The following KBTBD6 variants were observed in gnomAD, a reference collection of about 807,000 sequenced individuals.
KBTBD6 encodes kelch repeat and BTB domain containing 6.
In KBTBD6, 6 loss-of-function variants were observed where a neutral mutation model predicts 34.4. The observed-to-expected ratio is 0.17, with a 90% CI of 0.10 to 0.34. The LOEUF (loss-of-function observed/expected upper bound fraction) is 0.34, where lower values mean the gene tolerates loss of function less well. Ranked by LOEUF, KBTBD6 falls within the 10% of genes least tolerant of loss-of-function variation. KBTBD6 has a pLI of 1.00. For synonymous variants in KBTBD6, 288 were observed against 327.2 expected, an observed-to-expected ratio of 0.88 and a Z score of 1.29; for missense variants, 557 against 856.0, an observed-to-expected ratio of 0.65 and a Z score of 4.36.
Position 41,132,708 on chromosome 13 carries a change from T to A in KBTBD6, c.-197A>T. 1.5e-6 allele frequency: 1 copy of A among 662,250 alleles called. No individual in the cohort carries two copies. Among genetic ancestry groups the A allele is most frequent in the Non-Finnish European group, 2.6e-6 (1 of 387,910 alleles). The allele number at this position is 662,250 out of a possible 1,614,324, so 41.0% of individuals were successfully genotyped here. On this transcript the variant is annotated 5_prime_UTR_variant, in exon 1 of 1. Transcript: ENST00000379485. ...TAGACAGTGGCTGACTCACCCTCTC[T>A]CACTCCCGCGTCCTTTCTCCGCGTC... is the stretch of plus-strand genomic sequence containing the variant.
Position 41,131,025 on chromosome 13 carries a change from C to A in KBTBD6, c.1487G>T (p.Cys496Phe). 6.2e-7 allele frequency: 1 copy of A among 1,614,122 alleles called. No homozygotes were observed. The highest frequency in any genetic ancestry group is 8.5e-7 in the Non-Finnish European group (1 of 1,180,004). ...CCACATATTGTGGCTAGGATCATAA[C>A]AGAACATGCGCTTACTGTTGAGAGC... is the stretch of plus-strand genomic sequence containing the variant. ...LYALNSKRMF[C>F]YDPSHNMWLK... Residue 496 changes from cysteine to phenylalanine, a missense_variant, in exon 1 of 1, where the codon TGT becomes TTT. Cys to Phe is a radical substitution (Grantham distance 205). Around this residue, in one of 4 missense-constraint regions of KBTBD6, gnomAD observed 309 missense variants for 504.5 expected, o/e 0.61. Transcript: ENST00000379485. The surrounding 1 kb of genome is among the most constrained non-coding windows in gnomAD (Gnocchi z 5.8).
At position 41,131,064 on chromosome 13, in the gene KBTBD6, C is replaced by T. The variant is rs1566228315; in HGVS notation, c.1448G>A (p.Arg483Gln). The change falls in exon 1 of 1, where the codon CGA becomes CAA. Residue 483 changes from arginine (R) to glutamine (Q), a missense_variant. Transcript: ENST00000379485. The surrounding 1 kb of genome is among the most constrained non-coding windows in gnomAD (Gnocchi z 5.8). ...ACTGTTGAGAGCATAGAGATAGTCT[C>T]GAATTACCATTAGGTCAAAGGATAA... ...SFLSFDLMVI[R>Q]DYLYALNSKR... 4 of 1,614,146 alleles carry T rather than the reference C, an allele frequency of 2.5e-6. No homozygotes were observed. The highest frequency in any genetic ancestry group is 3.4e-6 in the Non-Finnish European group (4 of 1,180,014).
At position 41,129,826 on chromosome 13, in the gene KBTBD6, C is replaced by A. The variant is rs1952591; in HGVS notation, c.*661G>T. ...GGGATTACAGGCGCATGCCACCACG[C>A]CCAGCTAATTTTTGTATTTTTAGTA... On this transcript the variant is annotated 3_prime_UTR_variant, in exon 1 of 1. Coordinates refer to ENST00000379485, the MANE Select transcript of KBTBD6 (RefSeq NM_152903.5). The A allele has an allele frequency of 0.16, 23,579 of 151,850 alleles. 3,492 individuals are homozygous for A. The highest frequency in any genetic ancestry group is 0.38 in the East Asian group (1,967 of 5,146). 9.4% of individuals were successfully genotyped at this position (151,850 alleles called of 1,614,324 possible).
Position 41,130,647 on chromosome 13 carries a change from C to A in KBTBD6, c.1865G>T (p.Cys622Phe). 6.2e-7 allele frequency: 1 copy of A among 1,614,136 alleles called. No individual in the cohort carries two copies. The highest frequency in any genetic ancestry group is 1.3e-5 in the African/African-American group (1 of 75,030). The change falls in exon 1 of 1, where the codon TGC (cysteine) becomes TTC (phenylalanine). Residue 622 changes from cysteine (C) to phenylalanine (F), a missense_variant. Cys to Phe is a radical substitution (Grantham distance 205). Around this residue, in one of 4 missense-constraint regions of KBTBD6, gnomAD observed 309 missense variants for 504.5 expected, o/e 0.61. Coordinates refer to ENST00000379485, the MANE Select transcript of KBTBD6 (RefSeq NM_152903.5). The surrounding 1 kb of genome is among the most constrained non-coding windows in gnomAD (Gnocchi z 4.8). The part of the protein sequence containing the change: ...FCLSARVYPS[C>F]LEPGQSFLTE... ...GAGGAAACTCTGACCAGGTTCAAGGCAGGAAGGATAAACACGAGCAGAGAG... is the reference window on the plus strand; with the variant it reads ...GAGGAAACTCTGACCAGGTTCAAGGAAGGAAGGATAAACACGAGCAGAGAG...
rs747199000 is a variant in KBTBD6, at chr13:41,128,389, T to G, written c.*2098A>C. The G allele has an allele frequency of 2.6e-6, 1 of 385,232 alleles. No individual in the cohort carries two copies. The highest frequency in any genetic ancestry group is 3.6e-5 in the East Asian group (1 of 27,514). The allele number at this position is 385,232 out of a possible 1,614,324, so 23.9% of individuals were successfully genotyped here. On this transcript the variant is annotated 3_prime_UTR_variant, in exon 1 of 1. Transcript: ENST00000379485. The stretch of plus-strand genomic sequence containing the variant: ...TATTAAATCTTCAAGAGGTAAGTAC[T>G]TCTGTTTTAGTGTGTTTAACAATGT...
Position 41,131,390 on chromosome 13 carries a change from G to A in KBTBD6, c.1122C>T (p.Thr374=). ...TGACAGTCCTAGTGTGAGCCAGACAGGTCAAAGGTGACGGCACTTTGTAAA... is the reference window on the plus strand; with the variant it reads ...TGACAGTCCTAGTGTGAGCCAGACAAGTCAAAGGTGACGGCACTTTGTAAA... ...GDLYKVPSPL[T]CLAHTRTVTT... The change falls in exon 1 of 1, where the codon ACC becomes ACT. Residue 374 remains threonine, a synonymous_variant. Coordinates refer to ENST00000379485, the MANE Select transcript of KBTBD6 (RefSeq NM_152903.5). This position sits in a 1 kb window ranked among gnomAD's most constrained non-coding sequence, Gnocchi z 5.8. 1 of 1,614,112 alleles carries A rather than the reference G, an allele frequency of 6.2e-7. No individual in the cohort carries two copies. The highest frequency in any genetic ancestry group is 8.5e-7 in the Non-Finnish European group (1 of 1,179,980).
At position 41,132,527 on chromosome 13, in the gene KBTBD6, G is replaced by A. The variant is rs781196474; in HGVS notation, c.-16C>T. 5.2e-5 allele frequency: 83 copies of A among 1,605,770 alleles called. No individual in the cohort carries two copies. Among genetic ancestry groups the A allele is most frequent in the Middle Eastern group, 1.7e-4 (1 of 5,996 alleles). On this transcript the variant is annotated 5_prime_UTR_variant, in exon 1 of 1. Coordinates refer to ENST00000379485, the MANE Select transcript of KBTBD6 (RefSeq NM_152903.5). ...GGGACTGCATGGTGGAGATGGCGAC[G>A]GGCGCTGATGGCGAGAAACGCTGCA...
chr13:41,131,207 G>A lies in KBTBD6; in HGVS notation c.1305C>T (p.Gly435=), dbSNP rs761032000. Residue 435 remains glycine (G), a synonymous_variant, in exon 1 of 1, where the codon GGC becomes GGT. Coordinates refer to ENST00000379485, the MANE Select transcript of KBTBD6 (RefSeq NM_152903.5). The surrounding 1 kb of genome is among the most constrained non-coding windows in gnomAD (Gnocchi z 5.8). ...CTCGCCCCCCCAAAATGTAGATATA[G>A]CCATTGAGATATGCCACATCCATGC... ...REGMDVAYLN[G]YIYILGGRDP... 6.2e-7 allele frequency: 1 copy of A among 1,614,148 alleles called. No individual in the cohort carries two copies. The highest frequency in any genetic ancestry group is 8.5e-7 in the Non-Finnish European group (1 of 1,180,032).
Position 41,132,239 on chromosome 13 carries a change from C to T in KBTBD6, c.273G>A (p.Ala91=), listed in dbSNP as rs1286747295. Residue 91 remains alanine, a synonymous_variant, in exon 1 of 1, where the codon GCG becomes GCA. Coordinates refer to ENST00000379485, the MANE Select transcript of KBTBD6 (RefSeq NM_152903.5). Reference sequence around the variant, plus strand: ...ACATGCTCTTGAAGTAGGGACATGCCGCGGCCAGCACATTGCGGTTGCAGG... The same window carrying T: ...ACATGCTCTTGAAGTAGGGACATGCTGCGGCCAGCACATTGCGGTTGCAGG... The part of the protein sequence containing the change: ...LFPCNRNVLA[A]ACPYFKSMFT... 5 of 1,614,102 alleles carry T rather than the reference C, an allele frequency of 3.1e-6. No individual in the cohort carries two copies. The Admixed American group carries it at 8.3e-5, about 27-fold the overall frequency.
In KBTBD6 at chr13:41,131,922, G is replaced by C. The variant is rs377000610; in HGVS notation, c.590C>G (p.Ala197Gly). 4 of 1,614,274 alleles carry C rather than the reference G, an allele frequency of 2.5e-6. No individual in the cohort carries two copies. The African/African-American group carries it at 4.0e-5, about 16-fold the overall frequency. Reference sequence around the variant, plus strand: ...GTGGCTGAGTTGCTTGAAGTTCTGAGCTATATAGGACTGGGCCTGGGATCG... The same window carrying C: ...GTGGCTGAGTTGCTTGAAGTTCTGACCTATATAGGACTGGGCCTGGGATCG... ...KLRSQAQSYIAQNFKQLSHMG... is the reference protein window; with the variant it reads ...KLRSQAQSYIGQNFKQLSHMG... Residue 197 changes from alanine (A) to glycine (G), a missense_variant, in exon 1 of 1, where the codon GCT (alanine) becomes GGT (glycine). Ala to Gly is a moderately conservative substitution (Grantham distance 60, BLOSUM62 0). Coordinates refer to ENST00000379485, the MANE Select transcript of KBTBD6 (RefSeq NM_152903.5). The surrounding 1 kb of genome is among the most constrained non-coding windows in gnomAD (Gnocchi z 5.8).
chr13:41,131,987 G>A lies in KBTBD6; in HGVS notation c.525C>T (p.Ala175=). The change falls in exon 1 of 1, where the codon GCC becomes GCT. Residue 175 remains alanine (A), a synonymous_variant. Transcript: ENST00000379485. This position sits in a 1 kb window ranked among gnomAD's most constrained non-coding sequence, Gnocchi z 5.8. The part of the protein sequence containing the change: ...ARRLDLTNCT[A]ILKFADAFGH... The stretch of plus-strand genomic sequence containing the variant: ...CAAAGGCATCTGCAAACTTGAGGAT[G>A]GCGGTGCAGTTGGTCAGGTCAAGAC... 2 of 1,614,274 alleles carry A rather than the reference G, an allele frequency of 1.2e-6. No individual in the cohort carries two copies. The highest frequency in any genetic ancestry group is 2.2e-5 in the East Asian group (1 of 44,884).
chr13:41,130,472 T>C lies in KBTBD6; in HGVS notation c.*15A>G. 1.3e-6 allele frequency: 2 copies of C among 1,578,404 alleles called. No homozygotes were observed. The highest frequency in any genetic ancestry group is 8.7e-7 in the Non-Finnish European group (1 of 1,154,484). On this transcript the variant is annotated 3_prime_UTR_variant, in exon 1 of 1. Coordinates refer to ENST00000379485, the MANE Select transcript of KBTBD6 (RefSeq NM_152903.5). This position sits in a 1 kb window ranked among gnomAD's most constrained non-coding sequence, Gnocchi z 4.8. ...TTCAATCTAGTTACAACAAACCCTGTTGATCCTGTGCATTTCACTGAGGCG... is the reference window on the plus strand; with the variant it reads ...TTCAATCTAGTTACAACAAACCCTGCTGATCCTGTGCATTTCACTGAGGCG...
Position 41,131,477 on chromosome 13 carries a change from C to T in KBTBD6, c.1035G>A (p.Met345Ile). Reference protein sequence around the residue: ...PQRLGMCAKEMVIFFGHPRDP... With the variant: ...PQRLGMCAKEIVIFFGHPRDP... ...CTCTGGGGTGTCCAAAGAAGATCAC[C>T]ATCTCCTTGGCACACATACCCAGTC... is the stretch of plus-strand genomic sequence containing the variant. Residue 345 changes from methionine (M) to isoleucine (I), a missense_variant, in exon 1 of 1, where the codon ATG becomes ATA. Physicochemically the swap from Met to Ile is conservative, Grantham distance 10 (BLOSUM62 1). This residue lies in a region of KBTBD6 where 309 missense variants were observed against 504.5 expected (regional missense o/e 0.61). Coordinates refer to ENST00000379485, the MANE Select transcript of KBTBD6 (RefSeq NM_152903.5). The surrounding 1 kb of genome is among the most constrained non-coding windows in gnomAD (Gnocchi z 5.8). 1 of 1,614,148 alleles carries T rather than the reference C, an allele frequency of 6.2e-7. No individual in the cohort carries two copies. Among genetic ancestry groups the T allele is most frequent in the Non-Finnish European group, 8.5e-7 (1 of 1,180,040 alleles).
At position 41,128,647 on chromosome 13, in the gene KBTBD6, G is replaced by T; in HGVS notation, c.*1840C>A. Reference sequence around the variant, plus strand: ...TTAACTATCAACTTTGTTTTTCTAAGAGATGGGATCTCGTTCTGTTGCCAA... The same window carrying T: ...TTAACTATCAACTTTGTTTTTCTAATAGATGGGATCTCGTTCTGTTGCCAA... On this transcript the variant is annotated 3_prime_UTR_variant, in exon 1 of 1. Transcript: ENST00000379485. 5.2e-6 allele frequency: 2 copies of T among 386,206 alleles called. No individual in the cohort carries two copies. Among genetic ancestry groups the T allele is most frequent in the South Asian group, 2.6e-4 (2 of 7,574 alleles). The allele number at this position is 386,206 out of a possible 1,614,324, so 23.9% of individuals were successfully genotyped here. A position where few individuals can be genotyped will look rare whatever the true frequency, so the allele number is the denominator to read the frequency against.
In KBTBD6 at chr13:41,131,042, G is replaced by A; in HGVS notation, c.1470C>T (p.Asn490=). 1 of 1,614,124 alleles carries A rather than the reference G, an allele frequency of 6.2e-7. No homozygotes were observed. The highest frequency in any genetic ancestry group is 8.5e-7 in the Non-Finnish European group (1 of 1,180,014). ...GATCATAACAGAACATGCGCTTACTGTTGAGAGCATAGAGATAGTCTCGAA... is the reference window on the plus strand; with the variant it reads ...GATCATAACAGAACATGCGCTTACTATTGAGAGCATAGAGATAGTCTCGAA... ...MVIRDYLYAL[N]SKRMFCYDPS... is the part of the protein sequence containing the mutation. Residue 490 remains asparagine (N), a synonymous_variant, in exon 1 of 1, where the codon AAC becomes AAT. Transcript: ENST00000379485. This position sits in a 1 kb window ranked among gnomAD's most constrained non-coding sequence, Gnocchi z 5.8.
rs2030040985 is a variant in KBTBD6 at position 41,129,034 on chromosome 13, A to G, written c.*1453T>C. On this transcript the variant is annotated 3_prime_UTR_variant, in exon 1 of 1. Coordinates refer to ENST00000379485, the MANE Select transcript of KBTBD6 (RefSeq NM_152903.5). ...TTAGTGACTTTAAAAAGCTGACAGA[A>G]TATTTCCATGCTACACAAAACAGTT... 1 of 152,794 alleles carries G rather than the reference A, an allele frequency of 6.5e-6. No individual in the cohort carries two copies. The highest frequency in any genetic ancestry group is 2.4e-5 in the African/African-American group (1 of 41,482). The allele number at this position is 152,794 out of a possible 1,614,324, so 9.5% of individuals were successfully genotyped here.
chr13:41,132,609 C>G lies in KBTBD6; in HGVS notation c.-98G>C, dbSNP rs2030130927. On this transcript the variant is annotated 5_prime_UTR_variant, in exon 1 of 1. Coordinates refer to ENST00000379485, the MANE Select transcript of KBTBD6 (RefSeq NM_152903.5). The stretch of plus-strand genomic sequence containing the variant: ...CTCGCTGACGCTAAGATAGCAGCGT[C>G]TCCGAAGAGACAGCAGCACGAGCCC... 1 of 1,378,950 alleles carries G rather than the reference C, an allele frequency of 7.3e-7. No homozygotes were observed. Among genetic ancestry groups the G allele is most frequent in the Non-Finnish European group, 1.0e-6 (1 of 1,003,540 alleles). The allele number at this position is 1,378,950 out of a possible 1,614,324, so 85.4% of individuals were successfully genotyped here.
In KBTBD6 at chr13:41,131,005, T is replaced by C; in HGVS notation, c.1507A>G (p.Met503Val). 6.2e-7 allele frequency: 1 copy of C among 1,614,042 alleles called. No individual in the cohort carries two copies. The highest frequency in any genetic ancestry group is 8.5e-7 in the Non-Finnish European group (1 of 1,179,920). ...RMFCYDPSHN[M>V]WLKCVSLKRN... ...TTCAGAGAAACGCACTTCAGCCACA[T>C]ATTGTGGCTAGGATCATAACAGAAC... Residue 503 changes from methionine (M) to valine (V), a missense_variant, in exon 1 of 1, where the codon ATG becomes GTG. By Grantham distance (21) the Met-to-Val change is conservative (BLOSUM62 1). Around this residue, in one of 4 missense-constraint regions of KBTBD6, gnomAD observed 309 missense variants for 504.5 expected, o/e 0.61. Coordinates refer to ENST00000379485, the MANE Select transcript of KBTBD6 (RefSeq NM_152903.5). This position sits in a 1 kb window ranked among gnomAD's most constrained non-coding sequence, Gnocchi z 5.8.
rs1172474403 is a variant in KBTBD6, at chr13:41,131,783, T to A, written c.729A>T (p.Ala243=). The A allele has an allele frequency of 3.1e-6, 5 of 1,614,148 alleles. No homozygotes were observed. The highest frequency in any genetic ancestry group is 4.5e-5 in the East Asian group (2 of 44,900). ...VESEQTVCHV[A]VQWLEAAPKE... ...TGGGAGCAGCCTCCAGCCACTGCAC[T>A]GCCACATGGCACACTGTCTGCTCAC... Residue 243 remains alanine, a synonymous_variant, in exon 1 of 1, where the codon GCA becomes GCT. Transcript: ENST00000379485. The surrounding 1 kb of genome is among the most constrained non-coding windows in gnomAD (Gnocchi z 5.8).
Sources: gnomAD v4.1 joint callset for allele counts on GRCh38, gnomAD v4.1.1 for gene constraint, gnomAD v4.1.1 regional missense constraint, Gnocchi (gnomAD v3.1) non-coding constraint, MANE v1.5 for transcripts, NCBI Gene and HGNC (gene_info 2026-07-23, HGNC 2026-07-21) for gene names.